CTNNA3: variants seen among roughly 807,000 people sequenced by gnomAD.
CTNNA3 encodes the protein catenin alpha 3, also known as catenin alpha-3.
Under a neutral mutation model 95.7 loss-of-function variants are expected in CTNNA3, and 76 were observed. The ratio of observed to expected loss-of-function variants is 0.79; its 90% confidence interval spans 0.66 to 0.96. CTNNA3 has a LOEUF of 0.96. CTNNA3 is among the 40% of genes least tolerant of loss of function. The probability of loss-of-function intolerance (pLI) is 0.00; values close to 1 mark genes in which losing one functional copy is unlikely to be tolerated. For missense variants in CTNNA3, 1,191 were observed against 1,089.8 expected (o/e 1.09, Z -1.31); for synonymous variants, 431 against 374.4 (o/e 1.15, Z -1.74).
At chr10:67,468,529 C>G (rs1670647142) in intron 5 of CTNNA3, among the ~76,000 whole-genome samples, 2 of 152,078 alleles carry the variant, frequency 1.3e-5, no homozygotes, top group African/African-American at 4.8e-5. Context: ...GCATGGATTG[C>G]CCCTCCAGGG....
intron 7 of CTNNA3, among the ~76,000 whole-genome samples, chr10:66,797,944 G>A (rs554282981): frequency 6.6e-6 from 1 of 151,858 alleles, no homozygotes; most frequent in Non-Finnish European, 1.5e-5. Context: ...TAAAGCCCTT[G>A]TAAATTATTA....
intron 9 of CTNNA3, among the ~76,000 whole-genome samples, chr10:66,753,591 G>A (rs1012441077): frequency 4.6e-5 from 7 of 151,800 alleles, no homozygotes; most frequent in African/African-American, 1.7e-4. Flanking sequence ...GAACCTGGGA[G>A]GCAGAAGTTT....
In CTNNA3 at chr10:66,739,479, G is replaced by A. The variant is rs930927531; in HGVS notation, c.1281+26785C>T. ...GTGTGTATTTTCACAGCTATCCCAC[G>A]AGCATGTAAGGAAAGGTGAATTAAG... On this transcript the variant is annotated intron_variant, in intron 9 of 17. Coordinates refer to ENST00000433211, the MANE Select transcript of CTNNA3 (RefSeq NM_013266.4). Among the ~76,000 whole-genome samples the A allele has an allele frequency of 4.6e-5, 7 of 152,150 alleles. 1 individual carries two copies. The highest frequency in any genetic ancestry group is 2.0e-4 in the Admixed American group (3 of 15,280).
intron 16 of CTNNA3, 102 bp from the exon 17 acceptor site, chr10:65,966,848 G>A: frequency 1.2e-6 from 1 of 823,706 alleles, no homozygotes; most frequent in Non-Finnish European, 1.8e-6. Context: ...TTATAAAGCA[G>A]CAATTTTATT....
At chr10:66,091,415 A>G (rs1220362829) in intron 14 of CTNNA3, among the ~76,000 whole-genome samples, 1 of 151,946 alleles carries the variant, frequency 6.6e-6, no homozygotes, top group Admixed American at 6.6e-5. Context: ...TTTTCTGCAC[A>G]GGTCTCTTTT....
At chr10:66,346,231 A>G (rs1443249940) in intron 12 of CTNNA3, among the ~76,000 whole-genome samples, 17 of 35,460 alleles carry the variant, frequency 4.8e-4, no homozygotes, top group Admixed American at 3.5e-3. Flanking sequence ...ATATATATAT[A>G]TATATATATA....
chr10:67,149,747 T>C (rs1230818921), intron 7 of CTNNA3, among the ~76,000 whole-genome samples: 1 of 152,102 alleles, frequency 6.6e-6, no homozygotes, highest in Non-Finnish European at 1.5e-5. Context: ...AATAAAAGTA[T>C]ATAAAATGCA....
chr10:67,457,151 T>C (rs1339899189), intron 5 of CTNNA3, among the ~76,000 whole-genome samples: 1 of 152,198 alleles, frequency 6.6e-6, no homozygotes, highest in Non-Finnish European at 1.5e-5. Context: ...TCAGCAGCAC[T>C]GAAGTTTCAA....
intron 7 of CTNNA3, among the ~76,000 whole-genome samples, chr10:66,826,552 T>TTAA (rs1842523148): frequency 6.6e-6 from 1 of 152,234 alleles, no homozygotes; most frequent in Non-Finnish European, 1.5e-5. Flanking sequence ...TACTGTAAGA[T>TTAA]AATAGAGATT....
intron 9 of CTNNA3, among the ~76,000 whole-genome samples, chr10:66,742,908 T>C (rs1263103034): frequency 2.0e-5 from 3 of 152,240 alleles, no homozygotes; most frequent in Non-Finnish European, 2.9e-5. Context: ...ACTGCTCAGA[T>C]AGTAGGTTTA....
intron 9 of CTNNA3, among the ~76,000 whole-genome samples, chr10:66,660,948 A>G (rs1161325664): frequency 1.3e-5 from 2 of 152,182 alleles, no homozygotes; most frequent in Non-Finnish European, 2.9e-5. Flanking sequence ...GCCTATGGCA[A>G]CTAATATTGG....
intron 14 of CTNNA3, among the ~76,000 whole-genome samples, chr10:66,100,023 T>C (rs955895548): frequency 1.3e-5 from 2 of 152,106 alleles, no homozygotes; most frequent in African/African-American, 4.8e-5. Context: ...GTAAATAATA[T>C]ATATGGAGTA....
intron 13 of CTNNA3, among the ~76,000 whole-genome samples, chr10:66,178,415 A>ATATATATATATATATATATATATATG (rs2085843757): frequency 3.9e-5 from 2 of 51,320 alleles, no homozygotes; most frequent in African/African-American, 1.0e-4. Flanking sequence ...ATATATATAT[A>ATATATATATATATATATATATATATG]TATATATATA....
chr10:67,138,304 A>G (rs962092823), intron 7 of CTNNA3, among the ~76,000 whole-genome samples: 1 of 152,228 alleles, frequency 6.6e-6, no homozygotes, highest in Admixed American at 6.5e-5. Flanking sequence ...GTCATCAAAG[A>G]ACAACATAAG....
At chr10:66,118,673 C>T (rs1290736174) in intron 13 of CTNNA3, among the ~76,000 whole-genome samples, 2 of 152,072 alleles carry the variant, frequency 1.3e-5, no homozygotes, top group Non-Finnish European at 2.9e-5. Context: ...ATCCACTATG[C>T]AGAAACCAGT....
intron 1 of CTNNA3, among the ~76,000 whole-genome samples, chr10:67,666,631 G>A (rs1417240523): frequency 1.3e-5 from 2 of 152,156 alleles, no homozygotes; most frequent in African/African-American, 2.4e-5. Context: ...TTAGCCAGCA[G>A]AGGGTATTAT....
At chr10:66,481,152 T>G (rs1488395242) in intron 11 of CTNNA3, among the ~76,000 whole-genome samples, 1 of 152,154 alleles carries the variant, frequency 6.6e-6, no homozygotes, top group African/African-American at 2.4e-5. Context: ...TGTCTGTATA[T>G]ATGAGTATAT....
intron 8 of CTNNA3, among the ~76,000 whole-genome samples, chr10:66,767,217 G>A (rs1839897777): frequency 6.6e-6 from 1 of 151,974 alleles, no homozygotes; most frequent in Non-Finnish European, 1.5e-5. Flanking sequence ...GGAGGCCAAG[G>A]CAGGCGAATC....
At chr10:66,477,367 C>G (rs980217392) in intron 11 of CTNNA3, among the ~76,000 whole-genome samples, 1 of 151,946 alleles carries the variant, frequency 6.6e-6, no homozygotes, top group Non-Finnish European at 1.5e-5. Context: ...ATCTATCATG[C>G]AAAAATTGGA....
Sources: allele counts gnomAD v4.1 joint callset (sites outside exome capture counted in the v4.1 genomes callset), GRCh38; gene constraint gnomAD v4.1.1; transcripts MANE v1.5; gene names NCBI Gene and HGNC (gene_info 2026-07-23, HGNC 2026-07-21).